Variants in SCN8A observed in about 807,000 individuals in gnomAD.
SCN8A encodes the protein sodium voltage-gated channel alpha subunit 8, also known as sodium channel protein type 8 subunit alpha.
SCN8A carries 30 observed loss-of-function variants against 184.1 expected under a neutral mutation model. That is an observed-to-expected ratio of 0.16 (90% CI 0.12 to 0.22). The LOEUF is 0.22. Ranked by LOEUF, SCN8A falls within the 10% of genes least tolerant of loss-of-function variation. The pLI is 1.00. For missense variants in SCN8A, 1,057 were observed against 2,498.9 expected, an observed-to-expected ratio of 0.42 and a Z score of 12.30; for synonymous variants, 852 against 907.0, an observed-to-expected ratio of 0.94 and a Z score of 1.09.
chr12:51,792,072 A>G (rs1938271191), intron 25 of SCN8A, among the ~76,000 whole-genome samples: 1 of 152,170 alleles, frequency 6.6e-6, no homozygotes, highest in South Asian at 2.1e-4. Flanking sequence ...GTAAGCAAAC[A>G]GCTACAATAA....
At chr12:51,676,166 G>T (rs1941219551) in intron 2 of SCN8A, among the ~76,000 whole-genome samples, 1 of 152,148 alleles carries the variant, frequency 6.6e-6, no homozygotes, top group African/African-American at 2.4e-5. Context: ...TTTATGTCCT[G>T]CTTTGGTTTA....
chr12:51,768,442 AT>A (rs1170159037), intron 16 of SCN8A, among the ~76,000 whole-genome samples: 1 of 150,870 alleles, frequency 6.6e-6, no homozygotes, highest in Non-Finnish European at 1.5e-5. Flanking sequence ...TTCAAGCCTC[AT>A]TTTTTTTTCT....
intron 1 of SCN8A, among the ~76,000 whole-genome samples, chr12:51,605,554 T>A (rs1218627666): frequency 6.6e-6 from 1 of 152,230 alleles, no homozygotes; most frequent in Non-Finnish European, 1.5e-5. Flanking sequence ...GCTATAAACA[T>A]GTGTGTGCAA....
intron 1 of SCN8A, among the ~76,000 whole-genome samples, chr12:51,595,017 G>A (rs540825108): frequency 2.0e-5 from 3 of 152,198 alleles, no homozygotes; most frequent in Non-Finnish European, 4.4e-5. Context: ...GACTTCACTC[G>A]TAAAGTCTGT....
At chr12:51,736,430 G>A (rs1015336207) in intron 12 of SCN8A, among the ~76,000 whole-genome samples, 7 of 152,246 alleles carry the variant, frequency 4.6e-5, no homozygotes, top group Non-Finnish European at 7.3e-5. Context: ...TACAGTCCTC[G>A]AGGGTTAACT....
chr12:51,614,290 T>C (rs1171533798), intron 1 of SCN8A, among the ~76,000 whole-genome samples: 3 of 152,150 alleles, frequency 2.0e-5, no homozygotes, highest in African/African-American at 7.2e-5. Flanking sequence ...ACATTTTGGA[T>C]TGTTATGTCT....
chr12:51,696,450 C>T (rs1362907790), intron 6 of SCN8A, among the ~76,000 whole-genome samples: 7 of 152,192 alleles, frequency 4.6e-5, no homozygotes. Context: ...TACACTGGAA[C>T]AATTTTTATT....
chr12:51,654,991 C>G (rs1940791767), intron 1 of SCN8A, among the ~76,000 whole-genome samples: 1 of 152,112 alleles, frequency 6.6e-6, no homozygotes, highest in Admixed American at 6.5e-5. Flanking sequence ...CCTCCACCTC[C>G]CAGGTTCAAG....
intron 6 of SCN8A, among the ~76,000 whole-genome samples, chr12:51,695,766 A>G (rs905861868): frequency 2.0e-5 from 3 of 152,178 alleles, no homozygotes; most frequent in Non-Finnish European, 4.4e-5. Context: ...CATTCTCACC[A>G]CATGAAAATA....
chr12:51,654,257 A>T (rs1055642109), intron 1 of SCN8A, among the ~76,000 whole-genome samples: 15 of 152,280 alleles, frequency 9.9e-5, no homozygotes, highest in Admixed American at 9.8e-4. Flanking sequence ...TGTCTAAGAA[A>T]TCATTGACAG....
At chr12:51,680,414 G>C (rs1941310059) in intron 2 of SCN8A, among the ~76,000 whole-genome samples, 1 of 152,168 alleles carries the variant, frequency 6.6e-6, no homozygotes, top group Non-Finnish European at 1.5e-5. Context: ...GACAGCTCAT[G>C]ACTGATCCTA....
chr12:51,768,891 C>G lies in SCN8A; in HGVS notation c.2928C>G (p.Leu976=). 1 of 1,581,450 alleles carries G rather than the reference C, an allele frequency of 6.3e-7. No individual in the cohort carries two copies. The highest frequency in any genetic ancestry group is 8.6e-7 in the Non-Finnish European group (1 of 1,160,182). The change falls in exon 17 of 27, where the codon CTC becomes CTG. Residue 976 remains leucine, a synonymous_variant. Transcript: ENST00000627620. ...LVVLNLFLAL[L]LSSFSADNLA... is the part of the protein sequence containing the mutation. Reference sequence around the variant, plus strand: ...TGCTGAACCTGTTTCTGGCCTTGCTCCTGAGCTCCTTCAGTGCAGACAACC... The same window carrying G: ...TGCTGAACCTGTTTCTGGCCTTGCTGCTGAGCTCCTTCAGTGCAGACAACC...
chr12:51,623,708 C>T (rs1488978939), intron 1 of SCN8A, among the ~76,000 whole-genome samples: 4 of 152,104 alleles, frequency 2.6e-5, no homozygotes, highest in Admixed American at 6.5e-5. Flanking sequence ...TGGTGTGCTG[C>T]ACCCATTAAC....
intron 21 of SCN8A, among the ~76,000 whole-genome samples, chr12:51,786,072 G>A (rs1410557365): frequency 6.6e-6 from 1 of 152,120 alleles, no homozygotes; most frequent in Non-Finnish European, 1.5e-5. Flanking sequence ...GAGACATTAT[G>A]TACTGTTAAC....
intron 6 of SCN8A, among the ~76,000 whole-genome samples, chr12:51,699,251 T>C (rs1283758639): frequency 1.3e-5 from 2 of 152,182 alleles, no homozygotes; most frequent in East Asian, 3.8e-4. Flanking sequence ...ATGAAGGCCC[T>C]ATGGCAAGTA....
chr12:51,609,499 G>A (rs1052751008), intron 1 of SCN8A, among the ~76,000 whole-genome samples: 2 of 152,164 alleles, frequency 1.3e-5, no homozygotes, highest in African/African-American at 4.8e-5. Flanking sequence ...GATTGTGATA[G>A]TTTCCTGTTG....
intron 12 of SCN8A, among the ~76,000 whole-genome samples, chr12:51,737,637 A>G (rs1942349209): frequency 6.6e-6 from 1 of 152,188 alleles, no homozygotes; most frequent in Admixed American, 6.5e-5. Context: ...GTCCCCAAGT[A>G]GGAGTAGGGA....
In SCN8A at chr12:51,675,178, G is replaced by A. The variant is rs1371546478; in HGVS notation, c.277-8996G>A. Reference sequence around the variant, plus strand: ...GACAACAAGGAAGAATGGCCATGGAGGAGGGTCAGACCTGCCCTGCCCTGG... The same window carrying A: ...GACAACAAGGAAGAATGGCCATGGAAGAGGGTCAGACCTGCCCTGCCCTGG... On this transcript the variant is annotated intron_variant, in intron 2 of 26. Coordinates refer to ENST00000627620, the MANE Select transcript of SCN8A (RefSeq NM_001330260.2). 2.6e-5 allele frequency among the ~76,000 whole-genome samples: 4 copies of A among 152,216 alleles called. No individual in the cohort carries two copies. In the East Asian group the frequency reaches 5.8e-4, roughly 22 times the overall value.
intron 2 of SCN8A, among the ~76,000 whole-genome samples, chr12:51,682,705 A>C (rs1304414284): frequency 6.6e-6 from 1 of 152,154 alleles, no homozygotes; most frequent in East Asian, 1.9e-4. Context: ...AATGACTAGC[A>C]TTTATTTGGC....
Sources: allele counts gnomAD v4.1 joint callset (sites outside exome capture counted in the v4.1 genomes callset), GRCh38; gene constraint gnomAD v4.1.1; transcripts MANE v1.5; gene names NCBI Gene and HGNC (gene_info 2026-07-23, HGNC 2026-07-21).